The following L3MBTL2 variants were observed in gnomAD, a reference collection of about 807,000 sequenced individuals.
L3MBTL2 encodes lethal(3)malignant brain tumor-like protein 2.
L3MBTL2 carries 49 observed loss-of-function variants against 86.4 expected under a neutral mutation model. That is an observed-to-expected ratio of 0.57 (90% CI 0.45 to 0.72). L3MBTL2 has a LOEUF of 0.72. Among genes scored for constraint, L3MBTL2 ranks in the 30% least tolerant of loss-of-function variants. The pLI is 0.00. For synonymous variants in L3MBTL2, 336 were observed against 350.6 expected, an observed-to-expected ratio of 0.96 and a Z score of 0.47; for missense variants, 755 against 923.7, an observed-to-expected ratio of 0.82 and a Z score of 2.37.
chr22:41,227,934 G>A lies in L3MBTL2; in HGVS notation c.1888+65G>A. 3 of 1,583,022 alleles carry A rather than the reference G, an allele frequency of 1.9e-6. No individual in the cohort carries two copies. In the African/African-American group the frequency reaches 4.0e-5, roughly 21 times the overall value. On this transcript the variant is annotated intron_variant, in intron 15 of 16. Coordinates refer to ENST00000216237, the MANE Select transcript of L3MBTL2 (RefSeq NM_031488.5). The surrounding 1 kb of genome is among the most constrained non-coding windows in gnomAD (Gnocchi z 6.0). ...GGGAGCAGTGGGCCTGCGTCCCTGG[G>A]AGCAGGCGGGGGTCAGCCCCCAGGC...
rs1198497142 is a variant in L3MBTL2 at position 41,231,118 on chromosome 22, C to T, written c.*867C>T. On this transcript the variant is annotated 3_prime_UTR_variant, in exon 17 of 17. Coordinates refer to ENST00000216237, the MANE Select transcript of L3MBTL2 (RefSeq NM_031488.5). ...TGTATGTTCTTTTGGCCTTTTGTTC[C>T]TACCTAAATGAAGAAACCATGCCTG... is the stretch of plus-strand genomic sequence containing the variant. The T allele has an allele frequency of 6.6e-6, 1 of 152,152 alleles. No individual in the cohort carries two copies. The highest frequency in any genetic ancestry group is 1.9e-4 in the East Asian group (1 of 5,194). 9.4% of individuals were successfully genotyped at this position (152,152 alleles called of 1,614,324 possible).
chr22:41,228,164 C>T, intron 15 of L3MBTL2: 1 of 985,428 alleles, frequency 1.0e-6, no homozygotes, highest in Non-Finnish European at 1.2e-6. Context: ...TCCCTGATGC[C>T]CCATGTTCAG....
chr22:41,221,894 C>G (rs1263944535), intron 8 of L3MBTL2, among the ~76,000 whole-genome samples: 1 of 139,650 alleles, frequency 7.2e-6, no homozygotes, highest in African/African-American at 2.7e-5. Flanking sequence ...TGAGCCACCG[C>G]GCCCAGCCTT....
chr22:41,209,536 G>A, intron 1 of L3MBTL2, 160 bp from the exon 2 acceptor site: 1 of 653,296 alleles, frequency 1.5e-6, no homozygotes, highest in Admixed American at 2.5e-5. Context: ...TCATGGTGGA[G>A]AAATGTGTAA....
Position 41,209,861 on chromosome 22 carries a change from C to T in L3MBTL2, c.190C>T (p.Leu64=). The T allele has an allele frequency of 5.0e-6, 8 of 1,614,176 alleles. No homozygotes were observed. Among genetic ancestry groups the T allele is most frequent in the Non-Finnish European group, 6.8e-6 (8 of 1,180,046 alleles). Residue 64 remains leucine, a synonymous_variant, in exon 2 of 17, where the codon CTG becomes TTG. Transcript: ENST00000216237. ...AENEDREAGE[L]PTSPLHLLSP... is the part of the protein sequence containing the mutation. ...AAATGAGGATCGGGAAGCAGGGGAA[C>T]TGCCGACCTCCCCGCTGCATTTGCT...
intron 1 of L3MBTL2, chr22:41,208,245 C>T (rs1662541294): frequency 2.5e-6 from 1 of 401,602 alleles, no homozygotes; most frequent in Non-Finnish European, 4.9e-6. Context: ...AGTCCTTCCA[C>T]CTCAGCTCCA....
chr22:41,228,765 A>G (rs900357968), intron 15 of L3MBTL2, among the ~76,000 whole-genome samples: 1 of 151,384 alleles, frequency 6.6e-6, no homozygotes, highest in African/African-American at 2.4e-5. Flanking sequence ...CAGGAGAATC[A>G]CTTGAACCTG....
In L3MBTL2 at chr22:41,230,474, G is replaced by A. The variant is rs2032526440; in HGVS notation, c.*223G>A. On this transcript the variant is annotated 3_prime_UTR_variant, in exon 17 of 17. Transcript: ENST00000216237. The stretch of plus-strand genomic sequence containing the variant: ...GAAAGGTCTATATGACGGGCCGCCT[G>A]AGGCCCCAGAACTCGTCTGTGAACC... The A allele has an allele frequency of 1.9e-6, 1 of 518,354 alleles. No homozygotes were observed. Among genetic ancestry groups the A allele is most frequent in the African/African-American group, 2.0e-5 (1 of 50,746 alleles). The allele number at this position is 518,354 out of a possible 1,614,324, so 32.1% of individuals were successfully genotyped here.
chr22:41,227,505 C>T lies in L3MBTL2; in HGVS notation c.1822+182C>T, dbSNP rs2032269538. The T allele has an allele frequency of 7.4e-7, 1 of 1,357,148 alleles. No individual in the cohort carries two copies. The highest frequency in any genetic ancestry group is 1.0e-6 in the Non-Finnish European group (1 of 971,516). 84.1% of individuals were successfully genotyped at this position (1,357,148 alleles called of 1,614,324 possible). A position where few individuals can be genotyped will look rare whatever the true frequency, so the allele number is the denominator to read the frequency against. ...CTCCTGACTTCTCTGTCTCCCTTTCCCTCTGGCCTGCAGAGCTCCTTCCTT... is the reference window on the plus strand; with the variant it reads ...CTCCTGACTTCTCTGTCTCCCTTTCTCTCTGGCCTGCAGAGCTCCTTCCTT... On this transcript the variant is annotated intron_variant, in intron 14 of 16. Transcript: ENST00000216237. This position sits in a 1 kb window ranked among gnomAD's most constrained non-coding sequence, Gnocchi z 6.0.
rs2032138011 is a variant in L3MBTL2 at position 41,225,737 on chromosome 22, C to T, written c.1357-57C>T. ...GTCCCTATTGGGGTGCGGTACCAACCCAGGATGGGGTGCAGTTCATGATAT... is the reference window on the plus strand; with the variant it reads ...GTCCCTATTGGGGTGCGGTACCAACTCAGGATGGGGTGCAGTTCATGATAT... On this transcript the variant is annotated intron_variant, in intron 11 of 16. Transcript: ENST00000216237. This position sits in a 1 kb window ranked among gnomAD's most constrained non-coding sequence, Gnocchi z 4.1. The T allele has an allele frequency of 1.9e-6, 3 of 1,565,176 alleles. No individual in the cohort carries two copies. In the African/African-American group the frequency reaches 4.0e-5, roughly 21 times the overall value.
At chr22:41,205,538 A>C (rs1179138803) in intron 1 of L3MBTL2, 152 bp downstream of exon 1, 16 of 946,116 alleles carry the variant, frequency 1.7e-5, no homozygotes, top group Non-Finnish European at 2.7e-5. Flanking sequence ...GGGCAGAGGC[A>C]ATTGACGTTA....
chr22:41,217,515 G>C, intron 5 of L3MBTL2: 1 of 285,144 alleles, frequency 3.5e-6, no homozygotes, highest in Non-Finnish European at 6.7e-6. Context: ...CCCATTTGCA[G>C]CATTTTCCCA....
chr22:41,226,540 C>CT, intron 12 of L3MBTL2, 122 bp from the exon 13 acceptor site: 2 of 738,424 alleles, frequency 2.7e-6, no homozygotes, highest in Non-Finnish European at 4.9e-6. Flanking sequence ...AAGAAGGCTG[C>CT]TGGGGAGACT....
chr22:41,221,546 G>A (rs1336835817), intron 8 of L3MBTL2, among the ~76,000 whole-genome samples: 3 of 152,150 alleles, frequency 2.0e-5, no homozygotes, highest in Non-Finnish European at 2.9e-5. Context: ...TTGCTCTTCC[G>A]GAACCTTACC....
Position 41,229,637 on chromosome 22 carries a change from G to A in L3MBTL2, c.1986G>A (p.Ser662=), listed in dbSNP as rs1346954771. 6 of 1,613,690 alleles carry A rather than the reference G, an allele frequency of 3.7e-6. No individual in the cohort carries two copies. The highest frequency in any genetic ancestry group is 5.1e-6 in the Non-Finnish European group (6 of 1,180,010). ...CTCAGGGTGCCAGGAAGATCTCGTC[G>A]GAGCCTGTTCCTGGCGAGAGTAAGA... ...DDPQGARKIS[S]EPVPGEIIAV... Residue 662 remains serine, a synonymous_variant, in exon 16 of 17, where the codon TCG becomes TCA. Coordinates refer to ENST00000216237, the MANE Select transcript of L3MBTL2 (RefSeq NM_031488.5).
intron 1 of L3MBTL2, among the ~76,000 whole-genome samples, chr22:41,207,827 C>T (rs1197390304): frequency 6.6e-6 from 1 of 151,620 alleles, no homozygotes; most frequent in Non-Finnish European, 1.5e-5. Flanking sequence ...GTGCATGCCA[C>T]CACCACCCAG....
rs1409126404 is a variant in L3MBTL2 at position 41,225,761 on chromosome 22, A to G, written c.1357-33A>G. 6.3e-7 allele frequency: 1 copy of G among 1,592,880 alleles called. No homozygotes were observed. Among genetic ancestry groups the G allele is most frequent in the South Asian group, 1.1e-5 (1 of 89,346 alleles). ...CCCAGGATGGGGTGCAGTTCATGAT[A>G]TGATCTGTCTGCCTGCTCCCCCCAC... On this transcript the variant is annotated intron_variant, in intron 11 of 16. Transcript: ENST00000216237. This position sits in a 1 kb window ranked among gnomAD's most constrained non-coding sequence, Gnocchi z 4.1.
intron 12 of L3MBTL2, 103 bp from the exon 13 acceptor site, chr22:41,226,559 G>T: frequency 1.2e-6 from 1 of 816,662 alleles, no homozygotes; most frequent in Non-Finnish European, 2.1e-6. Context: ...CTCCATGCTG[G>T]GTCCTGACCA....
intron 7 of L3MBTL2, 116 bp downstream of exon 7, chr22:41,220,984 T>C (rs533271750): frequency 7.9e-7 from 1 of 1,269,548 alleles, no homozygotes; most frequent in South Asian, 1.5e-5. Context: ...CAGAATCCAC[T>C]TGCCCCCTGG....
Sources: gnomAD v4.1 joint callset for allele counts (sites outside exome capture counted in the v4.1 genomes callset) on GRCh38, gnomAD v4.1.1 for gene constraint, Gnocchi (gnomAD v3.1) non-coding constraint, MANE v1.5 for transcripts, NCBI Gene and HGNC (gene_info 2026-07-23, HGNC 2026-07-21) for gene names.